Variants in RWDD1 observed in about 807,000 individuals in gnomAD.
RWDD1 encodes the protein RWD domain-containing protein 1.
RWDD1 carries 17 observed loss-of-function variants against 31.6 expected under a neutral mutation model. That is an observed-to-expected ratio of 0.54 (90% confidence interval 0.37 to 0.81). RWDD1 has a LOEUF of 0.81. Ranked by LOEUF, RWDD1 falls within the 30% of genes least tolerant of loss-of-function variation. The pLI is 0.00. For missense variants in RWDD1, 204 were observed against 274.5 expected (o/e 0.74, Z 1.82); for synonymous variants, 78 against 94.2 (o/e 0.83, Z 0.99).
chr6:116,587,620 G>T (rs1775067582), intron 3 of RWDD1, among the ~76,000 whole-genome samples: 1 of 151,848 alleles, frequency 6.6e-6, no homozygotes, highest in Non-Finnish European at 1.5e-5. Flanking sequence ...TCAGTTTTGT[G>T]GTGCTTCAGT....
intron 3 of RWDD1, among the ~76,000 whole-genome samples, chr6:116,586,418 T>C (rs1045725258): frequency 6.6e-6 from 1 of 152,146 alleles, no homozygotes; most frequent in Non-Finnish European, 1.5e-5. Context: ...TAATGTTTTA[T>C]AATATTCTCT....
chr6:116,575,862 G>A (rs1774830592), intron 1 of RWDD1, among the ~76,000 whole-genome samples: 2 of 152,328 alleles, frequency 1.3e-5, no homozygotes, highest in South Asian at 2.1e-4. Context: ...AAGAAGAACA[G>A]AGAAGTAAGA....
intron 2 of RWDD1, among the ~76,000 whole-genome samples, chr6:116,584,164 G>A (rs1399908529): frequency 6.6e-6 from 1 of 152,170 alleles, no homozygotes; most frequent in East Asian, 1.9e-4. Flanking sequence ...TGTGAGATCC[G>A]TAAATTGACA....
At chr6:116,580,880 TG>T (rs1774936568) in intron 2 of RWDD1, among the ~76,000 whole-genome samples, 1 of 152,088 alleles carries the variant, frequency 6.6e-6, no homozygotes. Flanking sequence ...AATTTGGAGA[TG>T]TTTGGGGGAA....
chr6:116,575,577 A>T (rs1774824815), intron 1 of RWDD1, among the ~76,000 whole-genome samples: 1 of 152,124 alleles, frequency 6.6e-6, no homozygotes, highest in Non-Finnish European at 1.5e-5. Context: ...TTACTGCCCA[A>T]CTTTGAAATA....
intron 3 of RWDD1, among the ~76,000 whole-genome samples, chr6:116,586,922 T>C (rs1007200778): frequency 2.6e-5 from 4 of 152,198 alleles, no homozygotes; most frequent in African/African-American, 9.6e-5. Flanking sequence ...TATTTACACT[T>C]GGACATAAAA....
intron 3 of RWDD1, among the ~76,000 whole-genome samples, chr6:116,585,817 C>CA (rs1254005468): frequency 1.3e-5 from 2 of 151,888 alleles, no homozygotes; most frequent in East Asian, 3.9e-4. Context: ...TTTTTTGAGA[C>CA]AGAGTCTTGC....
chr6:116,583,622 C>A (rs553999716), intron 2 of RWDD1, among the ~76,000 whole-genome samples: 1 of 151,484 alleles, frequency 6.6e-6, no homozygotes, highest in East Asian at 2.0e-4. Context: ...ATATGTATAT[C>A]AAAACATCAC....
intron 2 of RWDD1, among the ~76,000 whole-genome samples, chr6:116,581,888 A>G (rs1035046166): frequency 2.6e-5 from 4 of 152,038 alleles, no homozygotes; most frequent in African/African-American, 9.7e-5. Flanking sequence ...ACATGCAAGG[A>G]TGTTTATAAT....
chr6:116,577,417 T>C (rs1774866668), intron 1 of RWDD1, among the ~76,000 whole-genome samples: 1 of 152,010 alleles, frequency 6.6e-6, no homozygotes, highest in Non-Finnish European at 1.5e-5. Flanking sequence ...TCTCATTTAG[T>C]CTAATGGCTT....
At chr6:116,586,134 C>T (rs74320121) in intron 3 of RWDD1, among the ~76,000 whole-genome samples, 6 of 152,254 alleles carry the variant, frequency 3.9e-5, no homozygotes, top group Admixed American at 3.9e-4. Context: ...TGACACCTGC[C>T]TGACCCTCAG....
In RWDD1 at chr6:116,587,601, T is replaced by A. The variant is rs149090865; in HGVS notation, c.271-1241T>A. 5.3e-5 allele frequency among the ~76,000 whole-genome samples: 8 copies of A among 152,264 alleles called. No individual in the cohort carries two copies. The East Asian group carries it at 1.5e-3, about 29-fold the overall frequency. ...CTATGAAGGGGTTTTAAGCAAGACATTGACTAGATCAGTTTTGTGGTGCTT... is the reference window on the plus strand; with the variant it reads ...CTATGAAGGGGTTTTAAGCAAGACAATGACTAGATCAGTTTTGTGGTGCTT... On this transcript the variant is annotated intron_variant, in intron 3 of 6. Transcript: ENST00000466444.
At chr6:116,579,652 T>C (rs2115326726) in intron 1 of RWDD1, among the ~76,000 whole-genome samples, 1 of 152,360 alleles carries the variant, frequency 6.6e-6, no homozygotes, top group East Asian at 1.9e-4. Context: ...GTTATTTATA[T>C]AAATGTTGAT....
chr6:116,573,076 C>A, intron 1 of RWDD1: 1 of 852,514 alleles, frequency 1.2e-6, no homozygotes, highest in Non-Finnish European at 1.4e-6. Context: ...TGGATATATT[C>A]TTAATCATGT....
intron 5 of RWDD1, 43 bp downstream of exon 5, chr6:116,590,447 T>C (rs1775122299): frequency 6.6e-7 from 1 of 1,507,958 alleles, no homozygotes; most frequent in Admixed American, 2.5e-5. Context: ...AACCCTCCTG[T>C]ATCATTTTTT....
At chr6:116,590,478 G>A (rs1775122805) in intron 5 of RWDD1, 74 bp downstream of exon 5, 4 of 1,466,640 alleles carry the variant, frequency 2.7e-6, no homozygotes, top group Non-Finnish European at 3.6e-6. Flanking sequence ...AGGATCATTT[G>A]GTCAGATTTC....
In RWDD1 at chr6:116,593,286, T is replaced by G. The variant is rs2115338868; in HGVS notation, c.*185T>G. On this transcript the variant is annotated 3_prime_UTR_variant, in exon 7 of 7. Transcript: ENST00000466444. ...ATTTCAAATATAAAATGTTCAAGGC[T>G]TCTTACTGTTGAGCACAAGGTTACG... 5.6e-6 allele frequency: 3 copies of G among 539,704 alleles called. No individual in the cohort carries two copies. The East Asian group carries it at 1.0e-4, about 18-fold the overall frequency. The allele number at this position is 539,704 out of a possible 1,614,324, so 33.4% of individuals were successfully genotyped here.
chr6:116,574,496 G>T (rs1408690040), intron 1 of RWDD1, among the ~76,000 whole-genome samples: 1 of 152,122 alleles, frequency 6.6e-6, no homozygotes, highest in South Asian at 2.1e-4. Flanking sequence ...CTCGTATTTT[G>T]TGGAAACTAA....
chr6:116,573,878 A>C (rs764415051), intron 1 of RWDD1, among the ~76,000 whole-genome samples: 1 of 152,064 alleles, frequency 6.6e-6, no homozygotes, highest in African/African-American at 2.4e-5. Context: ...TGTTAAGTAC[A>C]CGTGACCCCA....
Sources: gnomAD v4.1 joint callset for allele counts (sites outside exome capture counted in the v4.1 genomes callset) on GRCh38, gnomAD v4.1.1 for gene constraint, MANE v1.5 for transcripts, NCBI Gene and HGNC (gene_info 2026-07-23, HGNC 2026-07-21) for gene names.